The following CYB5R3 variants were observed in gnomAD, a reference collection of about 807,000 sequenced individuals.
CYB5R3 encodes cytochrome b5 reductase 3, also known as NADH-cytochrome b5 reductase 3.
Under a neutral mutation model 36.5 loss-of-function variants are expected in CYB5R3, and 28 were observed. The ratio of observed to expected loss-of-function variants is 0.77; its 90% CI spans 0.57 to 1.05. CYB5R3 has a LOEUF of 1.05. CYB5R3 is among the 50% of genes least tolerant of loss of function. The probability of loss-of-function intolerance (pLI) is 0.00; values close to 1 mark genes in which losing one functional copy is unlikely to be tolerated. For missense variants in CYB5R3, 474 were observed against 408.9 expected (o/e 1.16, Z -1.37); for synonymous variants, 181 against 159.8 (o/e 1.13, Z -1.00).
At chr22:42,628,116 C>T (rs1928391960) in intron 5 of CYB5R3, 36 bp downstream of exon 5, 1 of 1,613,072 alleles carries the variant, frequency 6.2e-7, no homozygotes, top group Non-Finnish European at 8.5e-7. Flanking sequence ...ATTCTCTGAG[C>T]CTGCCGTGTA....
chr22:42,623,912 T>C, intron 7 of CYB5R3, 24 bp from the exon 8 acceptor site: 1 of 1,599,872 alleles, frequency 6.3e-7, no homozygotes, highest in Non-Finnish European at 8.6e-7. Flanking sequence ...GGCCAGGCAG[T>C]CAGGAAGGAT....
At chr22:42,647,015 C>T in intron 1 of CYB5R3, 1 of 978,298 alleles carries the variant, frequency 1.0e-6, no homozygotes, top group South Asian at 4.7e-5. Context: ...CAACCCCTGG[C>T]CTGGATCCCA....
chr22:42,640,348 C>A (rs1000773019), intron 1 of CYB5R3: 2 of 851,316 alleles, frequency 2.3e-6, no homozygotes, highest in South Asian at 4.2e-5. Context: ...CTGCGTGGTT[C>A]ACTTATTTAT....
chr22:42,622,153 C>A (rs1032442587), intron 8 of CYB5R3, among the ~76,000 whole-genome samples: 1 of 152,168 alleles, frequency 6.6e-6, no homozygotes, highest in Non-Finnish European at 1.5e-5. Flanking sequence ...ATCTCTTGAC[C>A]TCATGATCTG....
At chr22:42,637,748 C>A (rs1928973233) in intron 1 of CYB5R3, among the ~76,000 whole-genome samples, 1 of 152,214 alleles carries the variant, frequency 6.6e-6, no homozygotes, top group Non-Finnish European at 1.5e-5. Flanking sequence ...TAGGCACTGT[C>A]ATCACCACCA....
intron 8 of CYB5R3, among the ~76,000 whole-genome samples, chr22:42,621,644 C>G (rs1399514901): frequency 6.6e-6 from 1 of 152,272 alleles, no homozygotes; most frequent in Non-Finnish European, 1.5e-5. Context: ...AACTATTCCT[C>G]TCATTGGCAG....
At chr22:42,647,296 G>GGACT (rs965776255) in intron 1 of CYB5R3, among the ~76,000 whole-genome samples, 3 of 152,164 alleles carry the variant, frequency 2.0e-5, no homozygotes, top group African/African-American at 7.2e-5. Flanking sequence ...CCCTTACAGA[G>GGACT]GACTGCTCAG....
intron 8 of CYB5R3, 138 bp from the exon 9 acceptor site, chr22:42,620,083 CT>C: frequency 3.5e-6 from 3 of 847,796 alleles, no homozygotes; most frequent in Non-Finnish European, 5.8e-6. Flanking sequence ...CCAGGACCCC[CT>C]GCCCCCAACC....
intron 7 of CYB5R3, among the ~76,000 whole-genome samples, chr22:42,626,977 C>A (rs1409954805): frequency 2.6e-5 from 4 of 152,192 alleles, no homozygotes; most frequent in Non-Finnish European, 5.9e-5. Flanking sequence ...ATGTCCAGGC[C>A]AGCATTCTTC....
At chr22:42,627,498 C>G in intron 6 of CYB5R3, 107 bp downstream of exon 6, 1 of 1,468,808 alleles carries the variant, frequency 6.8e-7, no homozygotes. Flanking sequence ...GGGCCTGGGC[C>G]CCTGACCTCT....
At chr22:42,620,171 C>T (rs1270226048) in intron 8 of CYB5R3, among the ~76,000 whole-genome samples, 2 of 152,210 alleles carry the variant, frequency 1.3e-5, no homozygotes, top group African/African-American at 2.4e-5. Context: ...CCTGACTGCA[C>T]TTTACAGTTT....
chr22:42,640,183 C>T (rs866590993), intron 1 of CYB5R3: 1 of 1,611,582 alleles, frequency 6.2e-7, no homozygotes, highest in African/African-American at 1.3e-5. Context: ...GGTGTAGTAC[C>T]AAAATGCGGC....
In CYB5R3 at chr22:42,631,443, C is replaced by A; in HGVS notation, c.161G>T (p.Ser54Ile). ...PLRLIDREII[S>I]HDTRRFRFAL... Reference sequence around the variant, plus strand: ...AAAGCGGAAGCGCCGGGTGTCATGGCTGATGATCTGGAGAGAGGCCCAAAG... The same window carrying A: ...AAAGCGGAAGCGCCGGGTGTCATGGATGATGATCTGGAGAGAGGCCCAAAG... Residue 54 changes from serine to isoleucine, a missense_variant, in exon 3 of 9, where the codon AGC becomes ATC. Transcript: ENST00000352397. The A allele has an allele frequency of 6.4e-7, 1 of 1,551,602 alleles. No homozygotes were observed. Among genetic ancestry groups the A allele is most frequent in the African/African-American group, 1.4e-5 (1 of 73,164 alleles).
At chr22:42,639,743 C>T (rs1929134480) in intron 1 of CYB5R3, 2 of 536,822 alleles carry the variant, frequency 3.7e-6, no homozygotes, top group Non-Finnish European at 6.6e-6. Context: ...TTAGGAGATA[C>T]ACACTGAAAT....
intron 1 of CYB5R3, among the ~76,000 whole-genome samples, chr22:42,641,870 C>T (rs1178899050): frequency 4.0e-5 from 6 of 151,888 alleles, no homozygotes; most frequent in Admixed American, 6.6e-5. Flanking sequence ...GTGATCCACC[C>T]GCCTCAGCCT....
chr22:42,626,079 C>T (rs1314077922), intron 7 of CYB5R3, among the ~76,000 whole-genome samples: 2 of 152,146 alleles, frequency 1.3e-5, no homozygotes, highest in Non-Finnish European at 2.9e-5. Flanking sequence ...GAGGCTGAGG[C>T]GGGTGGATCA....
At chr22:42,642,052 GAAATAAAGC>G (rs1929303243) in intron 1 of CYB5R3, among the ~76,000 whole-genome samples, 1 of 151,904 alleles carries the variant, frequency 6.6e-6, no homozygotes, top group Non-Finnish European at 1.5e-5. Flanking sequence ...TGTATAGAGA[GAAATAAAGC>G]AAATGTAGCA....
chr22:42,629,000 G>C (rs1281987199), intron 4 of CYB5R3, among the ~76,000 whole-genome samples: 1 of 152,072 alleles, frequency 6.6e-6, no homozygotes, highest in African/African-American at 2.4e-5. Context: ...CACTGTCCTG[G>C]GCCCTGGGTG....
At chr22:42,623,984 C>G in intron 7 of CYB5R3, 96 bp from the exon 8 acceptor site, 1 of 1,058,948 alleles carries the variant, frequency 9.4e-7, no homozygotes, top group Non-Finnish European at 1.4e-6. Flanking sequence ...CGCCCGCCTG[C>G]GGGCCACACG....
Sources: gnomAD v4.1 joint callset for allele counts (sites outside exome capture counted in the v4.1 genomes callset) on GRCh38, gnomAD v4.1.1 for gene constraint, MANE v1.5 for transcripts, NCBI Gene and HGNC (gene_info 2026-07-23, HGNC 2026-07-21) for gene names.